KATNAL1: variants seen among roughly 807,000 people sequenced by gnomAD.
The protein encoded by KATNAL1 is katanin catalytic subunit A1 like 1, also known as katanin p60 ATPase-containing subunit A-like 1.
A neutral mutation model predicts 55.2 loss-of-function variants in KATNAL1; 32 were observed. The observed-to-expected ratio is 0.58, with a 90% CI of 0.44 to 0.78. The LOEUF is 0.78. Ranked by LOEUF, KATNAL1 falls within the 30% of genes least tolerant of loss-of-function variation. KATNAL1 has a pLI of 0.00. For synonymous variants in KATNAL1, 193 were observed against 193.6 expected (o/e 1.00, Z 0.02); for missense variants, 466 against 600.9 (o/e 0.78, Z 2.35).
At chr13:30,284,723 T>C (rs1881661454) in intron 1 of KATNAL1, among the ~76,000 whole-genome samples, 1 of 152,206 alleles carries the variant, frequency 6.6e-6, no homozygotes, top group Non-Finnish European at 1.5e-5. Context: ...AAATAACTAT[T>C]GTTATTTTCC....
chr13:30,213,619 A>G (rs1292892814), intron 9 of KATNAL1, among the ~76,000 whole-genome samples: 1 of 152,242 alleles, frequency 6.6e-6, no homozygotes, highest in Admixed American at 6.5e-5. Flanking sequence ...CTGGTTCAAC[A>G]TACACAAATC....
At chr13:30,230,702 G>T in intron 7 of KATNAL1, 108 bp from the exon 8 acceptor site, 1 of 766,452 alleles carries the variant, frequency 1.3e-6, no homozygotes, top group Non-Finnish European at 2.0e-6. Context: ...ACTTCTCACT[G>T]TTTTAATGCC....
At chr13:30,285,460 T>C (rs1593949101) in intron 1 of KATNAL1, among the ~76,000 whole-genome samples, 1 of 152,348 alleles carries the variant, frequency 6.6e-6, no homozygotes, top group East Asian at 1.9e-4. Context: ...CCTGCTGGCA[T>C]GCATTCTCTC....
At chr13:30,256,716 A>G (rs1167028024) in intron 3 of KATNAL1, among the ~76,000 whole-genome samples, 1 of 152,254 alleles carries the variant, frequency 6.6e-6, no homozygotes, top group Non-Finnish European at 1.5e-5. Context: ...AAAGAAAAAA[A>G]AATGTGTTAA....
At chr13:30,230,836 T>C (rs1326540525) in intron 7 of KATNAL1, among the ~76,000 whole-genome samples, 2 of 152,232 alleles carry the variant, frequency 1.3e-5, no homozygotes, top group Admixed American at 6.5e-5. Context: ...TGTACTATGC[T>C]TTCTACTTTC....
chr13:30,228,467 C>T (rs1414684534), intron 8 of KATNAL1, among the ~76,000 whole-genome samples: 3 of 152,164 alleles, frequency 2.0e-5, no homozygotes. Context: ...AGCTGTCCAA[C>T]TAATAATCAA....
chr13:30,260,887 C>T (rs565741845), intron 3 of KATNAL1, among the ~76,000 whole-genome samples: 2,425 of 149,310 alleles, frequency 0.016, 236 homozygotes, highest in Admixed American at 0.14. Flanking sequence ...AGATACTCCT[C>T]GAGAAGAGCA....
chr13:30,288,376 A>T (rs1307699766), intron 1 of KATNAL1, among the ~76,000 whole-genome samples: 2 of 152,208 alleles, frequency 1.3e-5, no homozygotes. Context: ...TTTCCTTGGC[A>T]CTTACATCGA....
chr13:30,235,379 T>C (rs1876548534), intron 6 of KATNAL1, among the ~76,000 whole-genome samples: 1 of 152,118 alleles, frequency 6.6e-6, no homozygotes, highest in Admixed American at 6.6e-5. Context: ...AAACAGCCAG[T>C]TCTCATGAGA....
At chr13:30,227,665 A>T (rs763587230) in intron 8 of KATNAL1, 119 bp from the exon 9 acceptor site, 1,111 of 988,944 alleles carry the variant, frequency 1.1e-3, no homozygotes, top group Non-Finnish European at 1.5e-3. Flanking sequence ...TGCAGTCCTG[A>T]CCTCTGTGTG....
Position 30,301,446 on chromosome 13 carries a change from C to G in KATNAL1, c.-15+5885G>C, listed in dbSNP as rs540920603. On this transcript the variant is annotated intron_variant, in intron 1 of 10. Coordinates refer to ENST00000380615, the MANE Select transcript of KATNAL1 (RefSeq NM_032116.5). Reference sequence around the variant, plus strand: ...CTTTTTAGCACAAAAATAATAGTAGCGATGTTTATTGAATGCTAACTCCCC... The same window carrying G: ...CTTTTTAGCACAAAAATAATAGTAGGGATGTTTATTGAATGCTAACTCCCC... 7.9e-5 allele frequency among the ~76,000 whole-genome samples: 12 copies of G among 152,208 alleles called. No individual in the cohort carries two copies. In the South Asian group the frequency reaches 2.5e-3, roughly 32 times the overall value.
At chr13:30,224,836 G>C (rs1465915772) in intron 9 of KATNAL1, among the ~76,000 whole-genome samples, 1 of 152,186 alleles carries the variant, frequency 6.6e-6, no homozygotes, top group Non-Finnish European at 1.5e-5. Flanking sequence ...AATAAGGTGT[G>C]TAGATTTGTA....
intron 4 of KATNAL1, among the ~76,000 whole-genome samples, chr13:30,247,964 A>C (rs1877946058): frequency 6.6e-6 from 1 of 152,242 alleles, no homozygotes; most frequent in Non-Finnish European, 1.5e-5. Context: ...AAGGCCCCAC[A>C]TTTAATCTTA....
intron 9 of KATNAL1, among the ~76,000 whole-genome samples, chr13:30,225,563 G>C (rs1294970938): frequency 6.6e-6 from 1 of 151,812 alleles, no homozygotes; most frequent in African/African-American, 2.4e-5. Context: ...CAATGAAGGT[G>C]CCGAAGTAAT....
intron 9 of KATNAL1, among the ~76,000 whole-genome samples, chr13:30,223,830 T>G (rs1029862605): frequency 6.6e-6 from 1 of 152,212 alleles, no homozygotes; most frequent in African/African-American, 2.4e-5. Context: ...AGCAAGGATC[T>G]TATTATTTGA....
intron 9 of KATNAL1, among the ~76,000 whole-genome samples, chr13:30,220,909 G>A (rs1874791078): frequency 6.8e-6 from 1 of 147,632 alleles, no homozygotes; most frequent in African/African-American, 2.5e-5. Context: ...ATATCGGTCA[G>A]GCTGGTCTCA....
At chr13:30,216,783 T>G (rs940665378) in intron 9 of KATNAL1, among the ~76,000 whole-genome samples, 3 of 152,200 alleles carry the variant, frequency 2.0e-5, no homozygotes, top group African/African-American at 7.2e-5. Flanking sequence ...GATGTTAACA[T>G]AAGAGCATCA....
At chr13:30,218,122 G>C (rs1874477114) in intron 9 of KATNAL1, among the ~76,000 whole-genome samples, 1 of 151,386 alleles carries the variant, frequency 6.6e-6, no homozygotes. Flanking sequence ...GGGGAAAAAG[G>C]TAAGTAGAAA....
intron 3 of KATNAL1, among the ~76,000 whole-genome samples, chr13:30,259,667 T>C (rs77750708): frequency 1.3e-4 from 20 of 152,084 alleles, no homozygotes; most frequent in African/African-American, 4.6e-4. Flanking sequence ...TTTCTGACGG[T>C]CTTAAAAAAC....
Sources: allele counts gnomAD v4.1 joint callset (sites outside exome capture counted in the v4.1 genomes callset), GRCh38; gene constraint gnomAD v4.1.1; transcripts MANE v1.5; gene names NCBI Gene and HGNC (gene_info 2026-07-23, HGNC 2026-07-21).